MAST2: variants seen among roughly 807,000 people sequenced by gnomAD.
The protein encoded by MAST2 is microtubule associated serine/threonine kinase 2.
A neutral mutation model predicts 147.4 loss-of-function variants in MAST2; 70 were observed. The ratio of observed to expected loss-of-function variants is 0.47; its 90% CI spans 0.39 to 0.58. The LOEUF is 0.58. MAST2 is among the 20% of genes least tolerant of loss of function. The pLI, the probability that MAST2 is intolerant of heterozygous loss-of-function variation, is 0.00. For synonymous variants in MAST2, 869 were observed against 896.8 expected (o/e 0.97, Z 0.55); for missense variants, 2,080 against 2,302.3 (o/e 0.90, Z 1.98).
intron 3 of MAST2, among the ~76,000 whole-genome samples, chr1:45,857,340 C>T (rs1645822499): frequency 6.6e-6 from 1 of 152,100 alleles, no homozygotes; most frequent in Non-Finnish European, 1.5e-5. Flanking sequence ...AATATTATCC[C>T]TATGGAATAG....
chr1:45,830,732 A>G (rs1214558927), intron 3 of MAST2, among the ~76,000 whole-genome samples: 1 of 152,086 alleles, frequency 6.6e-6, no homozygotes, highest in Non-Finnish European at 1.5e-5. Context: ...GTATATGTAT[A>G]AGAATGAGGG....
At chr1:45,839,084 C>T (rs1645192660) in intron 3 of MAST2, among the ~76,000 whole-genome samples, 1 of 152,056 alleles carries the variant, frequency 6.6e-6, no homozygotes, top group Non-Finnish European at 1.5e-5. Context: ...AGTGATCCTC[C>T]CATGTCAGCC....
intron 4 of MAST2, among the ~76,000 whole-genome samples, chr1:45,901,603 TC>T (rs1649779146): frequency 6.6e-6 from 1 of 152,218 alleles, no homozygotes; most frequent in African/African-American, 2.4e-5. Flanking sequence ...TATTGATTCT[TC>T]CTATCCATGA....
intron 4 of MAST2, among the ~76,000 whole-genome samples, chr1:45,910,346 T>G (rs185604562): frequency 8.3e-4 from 127 of 152,268 alleles, no homozygotes; most frequent in Non-Finnish European, 3.1e-4. Context: ...TTTATTCTTT[T>G]AAAAGTTATT....
At chr1:45,821,515 C>CTTTTTTT in intron 1 of MAST2, among the ~76,000 whole-genome samples, 1 of 70,924 alleles carries the variant, frequency 1.4e-5, no homozygotes, top group South Asian at 5.7e-4. Context: ...GTTATTTCTT[C>CTTTTTTT]TTTTTTTTTT....
chr1:45,926,014 A>G (rs1291711132), intron 4 of MAST2, among the ~76,000 whole-genome samples: 2 of 152,212 alleles, frequency 1.3e-5, no homozygotes, highest in East Asian at 3.9e-4. Flanking sequence ...TTTCCTGCCA[A>G]AGAGAAAGCA....
At chr1:45,831,779 A>ACTTTTTT (rs1491380342) in intron 3 of MAST2, among the ~76,000 whole-genome samples, 1 of 133,990 alleles carries the variant, frequency 7.5e-6, no homozygotes. Flanking sequence ...GAAGTTTAAT[A>ACTTTTTT]GTTTTTTTTT....
rs139641922 is a variant in MAST2, at chr1:46,030,363, A to G, written c.2553+125A>G. 6.8e-4 allele frequency: 676 copies of G among 992,250 alleles called. 4 individuals are homozygous for G. The East Asian group carries it at 0.017, about 24-fold the overall frequency. The allele number at this position is 992,250 out of a possible 1,614,324, so 61.5% of individuals were successfully genotyped here. On this transcript the variant is annotated intron_variant, in intron 21 of 28. Coordinates refer to ENST00000361297, the MANE Select transcript of MAST2 (RefSeq NM_015112.3). The stretch of plus-strand genomic sequence containing the variant: ...TTGGGGCCACCTCTAGAAAAAGAGG[A>G]GCTAAGGGTTGGGGCTACATATAGC...
chr1:45,807,750 C>T (rs983537187), intron 1 of MAST2, among the ~76,000 whole-genome samples: 3 of 152,094 alleles, frequency 2.0e-5, no homozygotes, highest in African/African-American at 4.8e-5. Flanking sequence ...CCATGTTGGC[C>T]AGGCTGATCT....
chr1:45,946,257 A>T (rs1472405067), intron 4 of MAST2, among the ~76,000 whole-genome samples: 1 of 152,126 alleles, frequency 6.6e-6, no homozygotes, highest in Non-Finnish European at 1.5e-5. Context: ...CAAATAATCA[A>T]AGACAGAATT....
At position 46,035,370 on chromosome 1, in the gene MAST2, A is replaced by G; in HGVS notation, c.4701A>G (p.Thr1567=). The change falls in exon 29 of 29, where the codon ACA becomes ACG. Residue 1567 remains threonine, a synonymous_variant. Coordinates refer to ENST00000361297, the MANE Select transcript of MAST2 (RefSeq NM_015112.3). The surrounding 1 kb of genome is among the most constrained non-coding windows in gnomAD (Gnocchi z 5.5). ...TCCCAAGCCTATTGACAGGGATCAC[A>G]CTGGGGCCTCCCAGAATGGAAAGTC... ...PMVPSLLTGI[T]LGPPRMESPS... is the part of the protein sequence containing the mutation. The G allele has an allele frequency of 2.5e-6, 4 of 1,613,226 alleles. No individual in the cohort carries two copies. The highest frequency in any genetic ancestry group is 3.4e-6 in the Non-Finnish European group (4 of 1,179,698).
intron 5 of MAST2, among the ~76,000 whole-genome samples, chr1:45,964,969 G>A (rs1215361564): frequency 4.6e-5 from 7 of 152,134 alleles, no homozygotes; most frequent in East Asian, 1.9e-4. Flanking sequence ...CCTTCATTTC[G>A]TTATGTACCC....
At chr1:45,880,370 T>A (rs949962480) in intron 3 of MAST2, among the ~76,000 whole-genome samples, 1 of 152,184 alleles carries the variant, frequency 6.6e-6, no homozygotes, top group East Asian at 1.9e-4. Flanking sequence ...GGTGACATAA[T>A]GAGAATAATA....
At chr1:45,913,081 T>C (rs768253072) in intron 4 of MAST2, among the ~76,000 whole-genome samples, 2 of 152,244 alleles carry the variant, frequency 1.3e-5, no homozygotes, top group Non-Finnish European at 2.9e-5. Flanking sequence ...ACTTTCCTTA[T>C]GGCTTTTCTT....
chr1:45,880,539 T>C (rs949770987), intron 3 of MAST2, among the ~76,000 whole-genome samples: 1 of 152,188 alleles, frequency 6.6e-6, no homozygotes, highest in African/African-American at 2.4e-5. Context: ...TACGTAAGAT[T>C]AAGTAATTTA....
At chr1:45,985,251 G>C (rs1644567372) in intron 5 of MAST2, among the ~76,000 whole-genome samples, 1 of 151,224 alleles carries the variant, frequency 6.6e-6, no homozygotes, top group Non-Finnish European at 1.5e-5. Flanking sequence ...TAATTTTTGT[G>C]TGTGTGTGTG....
chr1:45,873,271 G>A (rs922874018), intron 3 of MAST2, among the ~76,000 whole-genome samples: 12 of 150,594 alleles, frequency 8.0e-5, no homozygotes, highest in South Asian at 4.2e-4. Context: ...TTGGCTCACT[G>A]CAACCTTCAC....
At chr1:45,877,709 A>G (rs999898307) in intron 3 of MAST2, among the ~76,000 whole-genome samples, 1 of 152,228 alleles carries the variant, frequency 6.6e-6, no homozygotes, top group African/African-American at 2.4e-5. Flanking sequence ...GGAAGAAATA[A>G]CACCAGTCTT....
chr1:45,947,518 AG>A (rs1413117965), intron 4 of MAST2, among the ~76,000 whole-genome samples: 1 of 152,202 alleles, frequency 6.6e-6, no homozygotes. Context: ...TGATTTCAGC[AG>A]AACATGAGGA....
Sources: gnomAD v4.1 joint callset for allele counts (sites outside exome capture counted in the v4.1 genomes callset) on GRCh38, gnomAD v4.1.1 for gene constraint, Gnocchi (gnomAD v3.1) non-coding constraint, MANE v1.5 for transcripts, NCBI Gene and HGNC (gene_info 2026-07-23, HGNC 2026-07-21) for gene names.